Variants in METTL22 observed in about 807,000 individuals in gnomAD.
METTL22 encodes methyltransferase 22, Kin17 lysine.
METTL22 carries 51 observed loss-of-function variants against 48.4 expected under a neutral mutation model. That is an observed-to-expected ratio of 1.05 (90% CI 0.84 to 1.33). The LOEUF is 1.33. METTL22 is among the 40% of genes most tolerant of loss of function. The pLI, the probability that METTL22 is intolerant of heterozygous loss-of-function variation, is 0.00. For synonymous variants in METTL22, 255 were observed against 214.1 expected, an observed-to-expected ratio of 1.19 and a Z score of -1.67; for missense variants, 678 against 526.9, an observed-to-expected ratio of 1.29 and a Z score of -2.81.
In METTL22 at chr16:8,644,684, T is replaced by C; in HGVS notation, c.1138T>C (p.Ser380Pro). ...CTTCGTGGTGGAGCCCGTGGAGGCC[T>C]CCTTCCCACAGCTCCTGGTTTACGA... ...LRFVVEPVEA[S>P]FPQLLVYERL... The change falls in exon 10 of 11, where the codon TCC becomes CCC. Residue 380 changes from serine (S) to proline (P), a missense_variant. Ser to Pro is a moderately conservative substitution (Grantham distance 74). Transcript: ENST00000381920. The C allele has an allele frequency of 6.2e-7, 1 of 1,603,890 alleles. No individual in the cohort carries two copies. The highest frequency in any genetic ancestry group is 8.5e-7 in the Non-Finnish European group (1 of 1,175,134).
chr16:8,649,633 A>C lies in METTL22; in HGVS notation c.*3490A>C, dbSNP rs1282219434. On this transcript the variant is annotated 3_prime_UTR_variant, in exon 11 of 11. Coordinates refer to ENST00000381920, the MANE Select transcript of METTL22 (RefSeq NM_024109.4). ...ATGGTGAAACCCCGTCTCTACTAAA[A>C]ATACAAAAAAAAAAAAAAAAATTAG... 6.9e-5 allele frequency: 1 copy of C among 14,474 alleles called. No individual in the cohort carries two copies. Among genetic ancestry groups the C allele is most frequent in the East Asian group, 2.2e-3 (1 of 452 alleles). The allele number at this position is 14,474 out of a possible 1,614,324, so 0.9% of individuals were successfully genotyped here.
chr16:8,645,595 G>C (rs1008816516), intron 10 of METTL22, among the ~76,000 whole-genome samples: 5 of 139,712 alleles, frequency 3.6e-5, no homozygotes, highest in African/African-American at 1.4e-4. Flanking sequence ...GGGCATCACA[G>C]ACCCTATCTC....
chr16:8,622,766 C>T (rs1448339692), intron 1 of METTL22, among the ~76,000 whole-genome samples: 1 of 152,128 alleles, frequency 6.6e-6, no homozygotes, highest in African/African-American at 2.4e-5. Flanking sequence ...TTCAAGAGGG[C>T]CTCCTTATTC....
Position 8,644,579 on chromosome 16 carries a change from T to A in METTL22, c.1033T>A (p.Leu345Met). The change falls in exon 10 of 11, where the codon TTG becomes ATG. Residue 345 changes from leucine (L) to methionine (M), a missense_variant. Transcript: ENST00000381920. ...EKRLNFTLRH[L>M]DVTCEAYDHF... ...CAGGCTCAACTTCACATTGAGACAC[T>A]TGGACGTCACATGTGAAGCCTACGA... The A allele has an allele frequency of 6.3e-7, 1 of 1,575,840 alleles. No homozygotes were observed. The highest frequency in any genetic ancestry group is 8.6e-7 in the Non-Finnish European group (1 of 1,158,830).
chr16:8,655,818 C>T, the METTL22 span, among the ~76,000 whole-genome samples: 1 of 152,226 alleles, frequency 6.6e-6, no homozygotes, highest in East Asian at 1.9e-4. Flanking sequence ...CAAAGCCGTT[C>T]AATCTATTAT....
the METTL22 span, chr16:8,666,837 A>C: frequency 7.1e-6 from 1 of 140,446 alleles, no homozygotes; most frequent in Non-Finnish European, 1.5e-5. Context: ...CCCAGGCTGT[A>C]GTGCAATGGT....
intron 2 of METTL22, among the ~76,000 whole-genome samples, chr16:8,627,704 G>A (rs2056108419): frequency 6.6e-6 from 1 of 152,116 alleles, no homozygotes; most frequent in African/African-American, 2.4e-5. Flanking sequence ...TAACGGCAGA[G>A]TTGAGGAGTT....
chr16:8,656,883 C>A, the METTL22 span, among the ~76,000 whole-genome samples: 1 of 152,148 alleles, frequency 6.6e-6, no homozygotes, highest in Non-Finnish European at 1.5e-5. Flanking sequence ...GCAGAAGGCG[C>A]CACATGGTAG....
At chr16:8,650,761 A>G (rs1443257969), downstream of METTL22, among the ~76,000 whole-genome samples, 1 of 152,264 alleles carries the variant, frequency 6.6e-6, no homozygotes, top group Non-Finnish European at 1.5e-5. Context: ...GATGTGGCTC[A>G]TGCGTGTAAT....
At chr16:8,622,397 C>CA (rs1282107932) in intron 1 of METTL22, among the ~76,000 whole-genome samples, 7 of 152,168 alleles carry the variant, frequency 4.6e-5, no homozygotes, top group African/African-American at 9.7e-5. Context: ...GTCTAGCCCC[C>CA]ACAGCCTTAG....
In METTL22 at chr16:8,645,985, T is replaced by TTG. The variant is rs766164384; in HGVS notation, c.1180-123_1180-122insTG. The TTG allele has an allele frequency of 1.7e-5, 25 of 1,463,358 alleles. 3 individuals are homozygous for TTG. The highest frequency in any genetic ancestry group is 2.8e-5 in the African/African-American group (2 of 71,018). The allele number at this position is 1,463,358 out of a possible 1,614,324, so 90.6% of individuals were successfully genotyped here. On this transcript the variant is annotated intron_variant, in intron 10 of 10. Transcript: ENST00000381920. The stretch of plus-strand genomic sequence containing the variant: ...GCCGCCCGTCCGCTCCTGCCCCAGC[T>TTG]CGCCTGCTCCGTGGCTGACGTGTTG...
intron 3 of METTL22, chr16:8,631,550 C>G (rs1025988871): frequency 3.9e-5 from 6 of 152,248 alleles, no homozygotes; most frequent in African/African-American, 1.4e-4. Flanking sequence ...AGCGTAATGC[C>G]TGGCACGGAT....
At position 8,625,762 on chromosome 16, in the gene METTL22, C is replaced by T. The variant is rs555315840; in HGVS notation, c.97C>T (p.His33Tyr). ...DVHLYTPNHR[H>Y]LMVRLNSVGQ... Reference sequence around the variant, plus strand: ...CCACCTCTATACCCCGAACCATAGACATCTCATGGTACGGCTGAACAGCGT... The same window carrying T: ...CCACCTCTATACCCCGAACCATAGATATCTCATGGTACGGCTGAACAGCGT... Residue 33 changes from histidine to tyrosine, a missense_variant, in exon 2 of 11, where the codon CAT (histidine) becomes TAT (tyrosine). Coordinates refer to ENST00000381920, the MANE Select transcript of METTL22 (RefSeq NM_024109.4). 19 of 1,614,182 alleles carry T rather than the reference C, an allele frequency of 1.2e-5. No homozygotes were observed. In the South Asian group the frequency reaches 2.0e-4, roughly 17 times the overall value.
At chr16:8,654,215 A>G (rs1259446976), downstream of METTL22, among the ~76,000 whole-genome samples, 1 of 152,246 alleles carries the variant, frequency 6.6e-6, no homozygotes, top group East Asian at 1.9e-4. Context: ...CCAAGGTCAC[A>G]TAAGTTGTGA....
In METTL22 at chr16:8,635,213, C is replaced by A. The variant is rs750044415; in HGVS notation, c.601C>A (p.Gln201Lys). ...CCTGGCAGACTACATCCTGTTCCGA[C>A]AGGACCTCTTCCGAGGATGTACAGC... Reference protein sequence around the residue: ...LLLADYILFRQDLFRGCTALE... With the variant: ...LLLADYILFRKDLFRGCTALE... The change falls in exon 5 of 11, where the codon CAG becomes AAG. Residue 201 changes from glutamine to lysine, a missense_variant. Coordinates refer to ENST00000381920, the MANE Select transcript of METTL22 (RefSeq NM_024109.4). 6.2e-7 allele frequency: 1 copy of A among 1,611,404 alleles called. No homozygotes were observed.
At chr16:8,649,690 G>C (rs2056864670), downstream of METTL22, 1 of 151,726 alleles carries the variant, frequency 6.6e-6, no homozygotes, top group Non-Finnish European at 1.5e-5. Context: ...TGTAATCCCA[G>C]CTACTTAGGA....
intron 7 of METTL22, chr16:8,641,845 G>A: frequency 3.6e-6 from 2 of 552,670 alleles, no homozygotes; most frequent in South Asian, 4.2e-5. Context: ...ATCATGTCCT[G>A]CACTGGGCCA....
At chr16:8,638,827 G>A (rs2056503091) in intron 5 of METTL22, among the ~76,000 whole-genome samples, 1 of 152,144 alleles carries the variant, frequency 6.6e-6, no homozygotes, top group Non-Finnish European at 1.5e-5. Context: ...GCATGTGCTC[G>A]GATGATGTTG....
chr16:8,655,698 A>G, the METTL22 span, among the ~76,000 whole-genome samples: 1 of 152,222 alleles, frequency 6.6e-6, no homozygotes, highest in African/African-American at 2.4e-5. Context: ...GAGGCACTGA[A>G]TCTGGAAGGA....
Sources: gnomAD v4.1 joint callset for allele counts (sites outside exome capture counted in the v4.1 genomes callset) on GRCh38, gnomAD v4.1.1 for gene constraint, MANE v1.5 for transcripts, NCBI Gene and HGNC (gene_info 2026-07-23, HGNC 2026-07-21) for gene names.